Variants in DNAH5 observed in about 807,000 individuals in gnomAD.
DNAH5 encodes axonemal beta dynein heavy chain 5.
DNAH5 carries 372 observed loss-of-function variants against 518.2 expected under a neutral mutation model. The observed-to-expected ratio is 0.72, with a 90% CI of 0.66 to 0.78. The LOEUF (loss-of-function observed/expected upper bound fraction) is 0.78. Among genes scored for constraint, DNAH5 ranks in the 30% least tolerant of loss-of-function variants. DNAH5 has a pLI of 0.00. For missense variants in DNAH5, 5,523 were observed against 5,687.0 expected (o/e 0.97, Z 0.93); for synonymous variants, 2,039 against 2,025.9 (o/e 1.01, Z -0.17).
chr5:13,948,535 TC>T (rs1249656281), upstream of DNAH5, among the ~76,000 whole-genome samples: 1 of 152,054 alleles, frequency 6.6e-6, no homozygotes, highest in African/African-American at 2.4e-5. Context: ...AGAATAAGAT[TC>T]AAATTAGTAG....
At position 13,891,039 on chromosome 5, in the gene DNAH5, C is replaced by A. The variant is rs1403119826; in HGVS notation, c.2514G>T (p.Thr838=). ...CCTCCTGGGGAAGCTGACAAAGAGG[C>A]GTGCTGCTCATTTCTTCTAGAATGG... ...IDAILEEMSS[T]PLCQLPQEEP... Residue 838 remains threonine (T), a synonymous_variant, in exon 17 of 79, where the codon ACG becomes ACT. Transcript: ENST00000265104. The A allele has an allele frequency of 1.2e-6, 2 of 1,613,994 alleles. No homozygotes were observed. The highest frequency in any genetic ancestry group is 1.3e-5 in the African/African-American group (1 of 74,914).
At chr5:13,695,601 T>C (rs1466679916) in intron 78 of DNAH5, among the ~76,000 whole-genome samples, 1 of 152,212 alleles carries the variant, frequency 6.6e-6, no homozygotes, top group Non-Finnish European at 1.5e-5. Context: ...CAGCTTTCCC[T>C]GTCAGTAGCC....
intron 10 of DNAH5, 54 bp downstream of exon 10, chr5:13,914,466 C>T: frequency 6.3e-7 from 1 of 1,583,206 alleles, no homozygotes; most frequent in Non-Finnish European, 8.6e-7. Flanking sequence ...AAGATGGTCT[C>T]AACAAAAATA....
chr5:13,976,712 C>T (rs201684725), intron 1 of DNAH5, among the ~76,000 whole-genome samples: 45 of 119,646 alleles, frequency 3.8e-4, no homozygotes, highest in African/African-American at 9.1e-4. Context: ...TATATATATA[C>T]ACACACACAC....
intron 47 of DNAH5, among the ~76,000 whole-genome samples, chr5:13,806,376 G>A (rs1391909522): frequency 6.6e-6 from 1 of 152,092 alleles, no homozygotes; most frequent in African/African-American, 2.4e-5. Flanking sequence ...CTCCAGAAGA[G>A]TATAATGAAG....
intron 52 of DNAH5, among the ~76,000 whole-genome samples, chr5:13,782,145 C>T (rs771368204): frequency 1.2e-4 from 18 of 152,116 alleles, no homozygotes; most frequent in Admixed American, 3.3e-4. Flanking sequence ...GGTATCACTG[C>T]GATGTCCATC....
Position 13,766,145 on chromosome 5 carries a change from G to A in DNAH5, c.9932C>T (p.Thr3311Met), listed in dbSNP as rs1411648234. The change falls in exon 59 of 79, where the codon ACG (threonine) becomes ATG (methionine). Residue 3311 changes from threonine to methionine, a missense_variant. By Grantham distance (81) the Thr-to-Met change is moderately conservative. Coordinates refer to ENST00000265104, the MANE Select transcript of DNAH5 (RefSeq NM_001369.3). ...GATGAGGTGAGGGGGGCGGCCCAACGTGCGAACAGTGGCGATGTCCGAAGG... is the reference window on the plus strand; with the variant it reads ...GATGAGGTGAGGGGGGCGGCCCAACATGCGAACAGTGGCGATGTCCGAAGG... ...IRPSDIATVR[T>M]LGRPPHLIMR... The A allele has an allele frequency of 5.0e-6, 8 of 1,614,070 alleles. No homozygotes were observed. In the Admixed American group the frequency reaches 5.0e-5, roughly 10 times the overall value.
At chr5:13,960,319 G>T (rs937019856) in intron 1 of DNAH5, among the ~76,000 whole-genome samples, 1 of 152,112 alleles carries the variant, frequency 6.6e-6, no homozygotes, top group Non-Finnish European at 1.5e-5. Context: ...AACACTGGAG[G>T]GGTGAACACT....
chr5:13,816,982 A>C (rs1288133327), intron 42 of DNAH5, among the ~76,000 whole-genome samples: 1 of 152,222 alleles, frequency 6.6e-6, no homozygotes, highest in Non-Finnish European at 1.5e-5. Context: ...CATTGGGTTC[A>C]ATTTACAAAG....
At position 13,690,690 on chromosome 5, in the gene DNAH5, C is replaced by A. The variant is rs375944557; in HGVS notation, c.*1294G>T. 1.3e-5 allele frequency: 2 copies of A among 152,180 alleles called. No individual in the cohort carries two copies. The highest frequency in any genetic ancestry group is 2.9e-5 in the Non-Finnish European group (2 of 68,036). The allele number at this position is 152,180 out of a possible 1,614,324, so 9.4% of individuals were successfully genotyped here. ...TATAAACCACAATTCTAATTTAGTA[C>A]TGACTATATTTTCTAGTCAGTAGGT... is the stretch of plus-strand genomic sequence containing the variant. On this transcript the variant is annotated 3_prime_UTR_variant, in exon 79 of 79. Transcript: ENST00000265104.
intron 50 of DNAH5, among the ~76,000 whole-genome samples, chr5:13,791,119 C>T (rs897396245): frequency 5.3e-5 from 8 of 151,900 alleles, no homozygotes; most frequent in Middle Eastern, 3.2e-3. Flanking sequence ...AAAAAAGAAT[C>T]GGCAAGTTTG....
chr5:13,812,160 A>G (rs1391418703), intron 43 of DNAH5, among the ~76,000 whole-genome samples: 1 of 152,190 alleles, frequency 6.6e-6, no homozygotes, highest in African/African-American at 2.4e-5. Flanking sequence ...TTCAGCTACT[A>G]CACTATCCAT....
At position 13,817,182 on chromosome 5, in the gene DNAH5, A is replaced by G. The variant is rs116646434; in HGVS notation, c.6988+366T>C. ...CTTTATAGAGAAATCAATTCTTTAA[A>G]AATAGGCTGTACTTAAATGAGAGCA... On this transcript the variant is annotated intron_variant, in intron 42 of 78. Transcript: ENST00000265104. Among the ~76,000 whole-genome samples the G allele has an allele frequency of 3.4e-3, 521 of 152,362 alleles. 1 individual carries two copies. The highest frequency in any genetic ancestry group is 0.012 in the African/African-American group (485 of 41,584).
At chr5:13,976,730 C>A (rs2582685) in intron 1 of DNAH5, among the ~76,000 whole-genome samples, 51,365 of 150,164 alleles carry the variant, frequency 0.34, 9,318 homozygotes, top group South Asian at 0.46. Flanking sequence ...CACATACACA[C>A]ACACACACAC....
At chr5:13,728,230 A>C (rs1338236942) in intron 69 of DNAH5, among the ~76,000 whole-genome samples, 1 of 152,222 alleles carries the variant, frequency 6.6e-6, no homozygotes, top group Non-Finnish European at 1.5e-5. Flanking sequence ...GTAAAAGGAC[A>C]TAGTACATTA....
At chr5:13,792,336 A>G in intron 49 of DNAH5, 119 bp from the exon 50 acceptor site, 2 of 769,400 alleles carry the variant, frequency 2.6e-6, no homozygotes, top group South Asian at 3.2e-5. Context: ...AGATAATCAC[A>G]TATAAAAGAA....
intron 64 of DNAH5, 110 bp from the exon 65 acceptor site, chr5:13,751,370 T>C (rs1336722833): frequency 9.1e-6 from 10 of 1,093,228 alleles, no homozygotes; most frequent in African/African-American, 6.3e-5. Context: ...TGGAGATCAT[T>C]TGTATACTAA....
intron 1 of DNAH5, among the ~76,000 whole-genome samples, chr5:13,951,234 T>G (rs1780382820): frequency 1.6e-5 from 1 of 61,916 alleles, no homozygotes; most frequent in Non-Finnish European, 3.4e-5. Context: ...TTTTTTTTTT[T>G]GAAGCAGGGT....
At chr5:13,699,454 C>T (rs1371440966) in intron 78 of DNAH5, among the ~76,000 whole-genome samples, 2 of 152,192 alleles carry the variant, frequency 1.3e-5, no homozygotes, top group African/African-American at 4.8e-5. Flanking sequence ...TGGCTCACGC[C>T]TATAATCCTA....
Sources: gnomAD v4.1 joint callset for allele counts (sites outside exome capture counted in the v4.1 genomes callset) on GRCh38, gnomAD v4.1.1 for gene constraint, MANE v1.5 for transcripts, NCBI Gene and HGNC (gene_info 2026-07-23, HGNC 2026-07-21) for gene names.